The following GLIPR1L2 variants were observed in gnomAD, a reference collection of about 807,000 sequenced individuals.
The protein encoded by GLIPR1L2 is GLIPR1 like 2, also known as GLIPR1-like protein 2.
Under a neutral mutation model 28.4 loss-of-function variants are expected in GLIPR1L2, and 21 were observed. That is an observed-to-expected ratio of 0.74 (90% CI 0.52 to 1.06). GLIPR1L2 has a LOEUF of 1.06. Ranked by LOEUF, GLIPR1L2 falls within the 50% of genes least tolerant of loss-of-function variation. The pLI, the probability that GLIPR1L2 is intolerant of heterozygous loss-of-function variation, is 0.00. For missense variants in GLIPR1L2, 476 were observed against 416.9 expected, an observed-to-expected ratio of 1.14 and a Z score of -1.23; for synonymous variants, 145 against 139.3, an observed-to-expected ratio of 1.04 and a Z score of -0.29.
rs12423750 is a variant in GLIPR1L2, at chr12:75,431,113, G to A, written c.987G>A (p.Glu329=). The A allele has an allele frequency of 0.16, 166,808 of 1,012,940 alleles. 14,951 individuals are homozygous for A. The highest frequency in any genetic ancestry group is 0.28 in the Admixed American group (13,887 of 49,114). The allele number at this position is 1,012,940 out of a possible 1,614,324, so 62.7% of individuals were successfully genotyped here. ...AGGAGGAAAAAGAAGAGAGAGAGGA[G>A]GAGGAGGAGGAAACACAAAAAGAAA... ...EMEEEKEERE[E]EEEETQKEKM... is the part of the protein sequence containing the mutation. The change falls in exon 6 of 6, where the codon GAG becomes GAA. Residue 329 remains glutamate, a synonymous_variant. Transcript: ENST00000550916.
intron 1 of GLIPR1L2, among the ~76,000 whole-genome samples, chr12:75,404,958 T>C (rs749873745): frequency 2.0e-5 from 3 of 152,208 alleles, no homozygotes; most frequent in Non-Finnish European, 4.4e-5. Flanking sequence ...AGTTTAAGTT[T>C]ACACACTTTT....
At chr12:75,413,536 T>C in intron 2 of GLIPR1L2, 62 bp from the exon 3 acceptor site, 1 of 880,852 alleles carries the variant, frequency 1.1e-6, no homozygotes, top group South Asian at 1.6e-5. Flanking sequence ...TATTATTGTT[T>C]ATAATATGAA....
At chr12:75,401,098 A>G (rs950111057) in intron 1 of GLIPR1L2, among the ~76,000 whole-genome samples, 6 of 151,992 alleles carry the variant, frequency 3.9e-5, no homozygotes, top group Admixed American at 3.3e-4. Flanking sequence ...TGAGCAATAC[A>G]AAGAAACTTC....
rs1462623756 is a variant in GLIPR1L2 at position 75,403,228 on chromosome 12, CT to C, written c.235-7205del. ...GATAGATTTTTTGATTTTTAAGCTT[CT>C]GTAAACTCTCTGAAGCTGGATTACA... On this transcript the variant is annotated intron_variant, in intron 1 of 5. Coordinates refer to ENST00000550916, the MANE Select transcript of GLIPR1L2 (RefSeq NM_001270396.2). The C allele has an allele frequency of 7.1e-6, 3 of 420,666 alleles. No individual in the cohort carries two copies. In the East Asian group the frequency reaches 2.1e-4, roughly 30 times the overall value. The allele number at this position is 420,666 out of a possible 1,614,324, so 26.1% of individuals were successfully genotyped here. A position where few individuals can be genotyped will look rare whatever the true frequency, so the allele number is the denominator to read the frequency against.
Position 75,419,477 on chromosome 12 carries a change from A to G in GLIPR1L2, c.585-3427A>G, listed in dbSNP as rs531950873. Among the ~76,000 whole-genome samples the G allele has an allele frequency of 9.8e-5, 15 of 152,350 alleles. No homozygotes were observed. The South Asian group carries it at 2.9e-3, about 29-fold the overall frequency. On this transcript the variant is annotated intron_variant, in intron 3 of 5. Coordinates refer to ENST00000550916, the MANE Select transcript of GLIPR1L2 (RefSeq NM_001270396.2). ...ACCCAAGTTATTGGATGAATTATCCATATGAATGTTGTGATCAAATAGGTA... is the reference window on the plus strand; with the variant it reads ...ACCCAAGTTATTGGATGAATTATCCGTATGAATGTTGTGATCAAATAGGTA...
chr12:75,401,606 T>A (rs1319529406), intron 1 of GLIPR1L2, among the ~76,000 whole-genome samples: 1 of 152,014 alleles, frequency 6.6e-6, no homozygotes, highest in Non-Finnish European at 1.5e-5. Context: ...GATTCTAATA[T>A]CCATGAAAAA....
chr12:75,403,171 C>T (rs989014819), intron 1 of GLIPR1L2: 1 of 456,362 alleles, frequency 2.2e-6, no homozygotes, highest in Non-Finnish European at 4.4e-6. Flanking sequence ...TGAGCCAGTG[C>T]TCCAGATGAC....
chr12:75,422,461 C>T (rs2045987022), intron 3 of GLIPR1L2, among the ~76,000 whole-genome samples: 1 of 152,054 alleles, frequency 6.6e-6, no homozygotes, highest in Non-Finnish European at 1.5e-5. Flanking sequence ...TGCCACCGCA[C>T]CTGGCTAATT....
intron 3 of GLIPR1L2, among the ~76,000 whole-genome samples, chr12:75,420,362 CTG>C (rs972884750): frequency 6.6e-6 from 1 of 152,166 alleles, no homozygotes; most frequent in Non-Finnish European, 1.5e-5. Flanking sequence ...TTTTGAAAGA[CTG>C]TGTATCTATA....
chr12:75,423,361 C>A (rs528389024), intron 4 of GLIPR1L2: 58 of 1,026,116 alleles, frequency 5.7e-5, no homozygotes, highest in Non-Finnish European at 6.4e-5. Flanking sequence ...ATATTTAATA[C>A]CCTTTTCTTT....
chr12:75,391,642 G>A lies in GLIPR1L2; in HGVS notation c.234+292G>A, dbSNP rs1316798799. The stretch of plus-strand genomic sequence containing the variant: ...CAAGAAAATGATATTTTAATGCAAC[G>A]GGTTTTTAAAAATTAAAAATCAGTG... On this transcript the variant is annotated intron_variant, in intron 1 of 5. Coordinates refer to ENST00000550916, the MANE Select transcript of GLIPR1L2 (RefSeq NM_001270396.2). The A allele has an allele frequency of 5.1e-6, 4 of 790,706 alleles. No individual in the cohort carries two copies. In the African/African-American group the frequency reaches 5.3e-5, roughly 10 times the overall value. The allele number at this position is 790,706 out of a possible 1,614,324, so 49.0% of individuals were successfully genotyped here.
At chr12:75,408,614 A>T (rs1345177626) in intron 1 of GLIPR1L2, among the ~76,000 whole-genome samples, 1 of 152,070 alleles carries the variant, frequency 6.6e-6, no homozygotes, top group Non-Finnish European at 1.5e-5. Flanking sequence ...GAAACAATCT[A>T]AAGGTCTATT....
chr12:75,409,887 A>G (rs1320672571), intron 1 of GLIPR1L2, among the ~76,000 whole-genome samples: 1 of 148,774 alleles, frequency 6.7e-6, no homozygotes. Flanking sequence ...TGTTTATCTA[A>G]TCCAATATAT....
At chr12:75,429,821 T>A (rs36113316) in intron 4 of GLIPR1L2, among the ~76,000 whole-genome samples, 25,771 of 152,046 alleles carry the variant, frequency 0.17, 2,383 homozygotes, top group Admixed American at 0.23. Flanking sequence ...CCTGCCACCA[T>A]GTAAGATGTG....
rs1310602169 is a variant in GLIPR1L2, at chr12:75,410,525, T to C, written c.326T>C (p.Val109Ala). ...ATTTATTTACAAGATGTACAAATGG[T>C]CCATCCTAAATTTTATGGTATTGGT... Reference protein sequence around the residue: ...HNIYLQDVQMVHPKFYGIGEN... With the variant: ...HNIYLQDVQMAHPKFYGIGEN... Residue 109 changes from valine (V) to alanine (A), a missense_variant, in exon 2 of 6, where the codon GTC becomes GCC. Physicochemically the swap from Val to Ala is moderately conservative, Grantham distance 64. Transcript: ENST00000550916. 1.2e-6 allele frequency: 2 copies of C among 1,612,194 alleles called. No homozygotes were observed. Among genetic ancestry groups the C allele is most frequent in the East Asian group, 2.2e-5 (1 of 44,782 alleles).
intron 3 of GLIPR1L2, among the ~76,000 whole-genome samples, chr12:75,418,094 A>G (rs538129920): frequency 1.3e-5 from 2 of 152,114 alleles, no homozygotes; most frequent in African/African-American, 4.8e-5. Context: ...TGTGCCAAAG[A>G]CATTGCACAT....
intron 1 of GLIPR1L2, among the ~76,000 whole-genome samples, chr12:75,409,565 GTATA>G (rs4019358): frequency 7.0e-6 from 1 of 143,428 alleles, no homozygotes; most frequent in Non-Finnish European, 1.5e-5. Flanking sequence ...GGGTGTGTGT[GTATA>G]TATATATATA....
intron 1 of GLIPR1L2, among the ~76,000 whole-genome samples, chr12:75,403,496 C>G (rs144850232): frequency 1.6e-4 from 25 of 152,208 alleles, no homozygotes; most frequent in Admixed American, 1.1e-3. Context: ...GTTTACTAAC[C>G]CCCGTCCCGT....
At chr12:75,420,245 G>T (rs1279182596) in intron 3 of GLIPR1L2, among the ~76,000 whole-genome samples, 3 of 152,192 alleles carry the variant, frequency 2.0e-5, no homozygotes, top group Non-Finnish European at 2.9e-5. Flanking sequence ...TAATTGCTAG[G>T]TTGTCAAGCT....
Sources: allele counts gnomAD v4.1 joint callset (sites outside exome capture counted in the v4.1 genomes callset), GRCh38; gene constraint gnomAD v4.1.1; transcripts MANE v1.5; gene names NCBI Gene and HGNC (gene_info 2026-07-23, HGNC 2026-07-21).